TUB: variants seen among roughly 807,000 people sequenced by gnomAD.
The protein encoded by TUB is tubby protein homolog.
A neutral mutation model predicts 59.7 loss-of-function variants in TUB; 33 were observed. That is an observed-to-expected ratio of 0.55 (90% CI 0.42 to 0.74). The LOEUF (loss-of-function observed/expected upper bound fraction) is 0.74, where lower values mean the gene tolerates loss of function less well. Ranked by LOEUF, TUB falls within the 30% of genes least tolerant of loss-of-function variation. TUB has a pLI of 0.00. For missense variants in TUB, 659 were observed against 672.0 expected, an observed-to-expected ratio of 0.98 and a Z score of 0.21; for synonymous variants, 293 against 256.4, an observed-to-expected ratio of 1.14 and a Z score of -1.36.
At chr11:8,080,831 C>G (rs184534277), upstream of TUB, among the ~76,000 whole-genome samples, 8 of 152,218 alleles carry the variant, frequency 5.3e-5, no homozygotes, top group Non-Finnish European at 1.0e-4. Flanking sequence ...CCGGAGGTTC[C>G]CCCGCCTCTT....
intron 1 of TUB, among the ~76,000 whole-genome samples, chr11:8,081,758 G>A (rs1488479321): frequency 2.0e-5 from 3 of 152,216 alleles, no homozygotes; most frequent in African/African-American, 4.8e-5. Flanking sequence ...TATCTGCCAG[G>A]GTTGCTGGAA....
upstream of TUB, among the ~76,000 whole-genome samples, chr11:8,081,191 G>T (rs545511257): frequency 2.2e-3 from 332 of 151,580 alleles, 4 homozygotes; most frequent in African/African-American, 7.6e-3. Flanking sequence ...AGAAGGGGCA[G>T]GCCGCCGCTG....
At chr11:8,078,433 A>AT (rs1303043041), upstream of TUB, among the ~76,000 whole-genome samples, 2 of 152,156 alleles carry the variant, frequency 1.3e-5, no homozygotes, top group African/African-American at 4.8e-5. Context: ...GGTCATGGTT[A>AT]TAGTGCAGTT....
intron 1 of TUB, among the ~76,000 whole-genome samples, chr11:8,029,201 A>G (rs1214358838): frequency 6.6e-6 from 1 of 152,166 alleles, no homozygotes; most frequent in Admixed American, 6.5e-5. Context: ...CAAACAAAGC[A>G]TGCAGTTGCT....
At chr11:8,041,413 C>T (rs901759687) in intron 2 of TUB, among the ~76,000 whole-genome samples, 5 of 152,164 alleles carry the variant, frequency 3.3e-5, no homozygotes, top group African/African-American at 1.2e-4. Flanking sequence ...TGACTTATCT[C>T]CGTAGGTTTG....
At chr11:8,055,525 C>T (rs1943006602) in intron 2 of TUB, among the ~76,000 whole-genome samples, 1 of 152,202 alleles carries the variant, frequency 6.6e-6, no homozygotes, top group African/African-American at 2.4e-5. Flanking sequence ...CCTCCTTGCT[C>T]AGATGATGGG....
At position 8,071,284 on chromosome 11, in the gene TUB, C is replaced by T. The variant is rs557343482; in HGVS notation, c.204-18326C>T. ...TAGCCTGAGTGTTCTGTACACTGCT[C>T]TCCCAGGGAAGTGGGAGCGGGAGGT... On this transcript the variant is annotated intron_variant, in intron 2 of 12. Coordinates refer to the TUB transcript ENST00000305253. Among the ~76,000 whole-genome samples the T allele has an allele frequency of 2.6e-4, 40 of 152,228 alleles. 1 individual carries two copies. In the South Asian group the frequency reaches 8.3e-3, roughly 32 times the overall value.
Position 8,101,700 on chromosome 11 carries a change from T to A in TUB, c.*81T>A. On this transcript the variant is annotated 3_prime_UTR_variant, in exon 12 of 12. Coordinates refer to ENST00000299506, the MANE Select transcript of TUB (RefSeq NM_177972.3). Reference sequence around the variant, plus strand: ...CCTGTGGAGACAGCCCTGCCTATCCTCTGTATATAGGCCTTCCGCCAGATG... The same window carrying A: ...CCTGTGGAGACAGCCCTGCCTATCCACTGTATATAGGCCTTCCGCCAGATG... 6.4e-7 allele frequency: 1 copy of A among 1,557,702 alleles called. No homozygotes were observed. The highest frequency in any genetic ancestry group is 8.7e-7 in the Non-Finnish European group (1 of 1,152,878).
intron 9 of TUB, among the ~76,000 whole-genome samples, chr11:8,100,011 C>G (rs1564926094): frequency 6.6e-6 from 1 of 152,152 alleles, no homozygotes; most frequent in Non-Finnish European, 1.5e-5. Flanking sequence ...GGAGAAAGAT[C>G]ATCTGACTTA....
chr11:8,081,571 C>A, intron 1 of TUB, 23 bp downstream of exon 1: 2 of 1,524,052 alleles, frequency 1.3e-6, no homozygotes, highest in Non-Finnish European at 1.8e-6. Flanking sequence ...CGGGCCGGGG[C>A]GCCCACCACT....
At chr11:8,055,236 A>G (rs1261342994) in intron 2 of TUB, among the ~76,000 whole-genome samples, 1 of 152,006 alleles carries the variant, frequency 6.6e-6, no homozygotes, top group Non-Finnish European at 1.5e-5. Context: ...TGTGTGAGAG[A>G]GAGAGAGGTG....
chr11:8,083,113 G>A (rs913402422), intron 1 of TUB, among the ~76,000 whole-genome samples: 1 of 152,204 alleles, frequency 6.6e-6, no homozygotes, highest in Non-Finnish European at 1.5e-5. Context: ...GGCACATGTG[G>A]GCTGAGGACC....
upstream of TUB, among the ~76,000 whole-genome samples, chr11:8,079,317 G>A (rs909711821): frequency 1.3e-5 from 2 of 152,154 alleles, no homozygotes; most frequent in African/African-American, 4.8e-5. Flanking sequence ...CTCTAGGCAA[G>A]GTTCTGCCCT....
intron 2 of TUB, chr11:8,059,906 G>A (rs950899946): frequency 2.6e-5 from 4 of 152,664 alleles, no homozygotes; most frequent in South Asian, 2.1e-4. Flanking sequence ...GCCTCGATCC[G>A]GGCAGAGGCA....
intron 1 of TUB, among the ~76,000 whole-genome samples, chr11:8,024,890 G>T (rs1045110186): frequency 2.6e-5 from 4 of 152,224 alleles, no homozygotes; most frequent in Non-Finnish European, 5.9e-5. Flanking sequence ...GCAGAACTTG[G>T]ATTTTGGGGT....
intron 2 of TUB, among the ~76,000 whole-genome samples, chr11:8,069,562 T>C (rs1943319878): frequency 6.6e-6 from 1 of 152,206 alleles, no homozygotes; most frequent in African/African-American, 2.4e-5. Context: ...TCTAATGGGA[T>C]TGGTGCTCCT....
chr11:8,060,786 C>T (rs139226992), intron 2 of TUB, among the ~76,000 whole-genome samples: 92 of 152,308 alleles, frequency 6.0e-4, no homozygotes, highest in Non-Finnish European at 9.7e-4. Context: ...TACTGTTGTA[C>T]GTATTTGGGG....
chr11:8,044,829 A>C (rs929318455), intron 2 of TUB, among the ~76,000 whole-genome samples: 1 of 152,188 alleles, frequency 6.6e-6, no homozygotes, highest in African/African-American at 2.4e-5. Context: ...TCAGGAAAGC[A>C]CTTTATTTAC....
At chr11:8,038,550 C>T (rs1049601823), upstream of TUB, 1 of 1,053,060 alleles carries the variant, frequency 9.5e-7, no homozygotes, top group Non-Finnish European at 1.2e-6. Flanking sequence ...GCTATAGTAA[C>T]CCACAGATGC....
Sources: allele counts gnomAD v4.1 joint callset (sites outside exome capture counted in the v4.1 genomes callset), GRCh38; gene constraint gnomAD v4.1.1; transcripts MANE v1.5; gene names NCBI Gene and HGNC (gene_info 2026-07-23, HGNC 2026-07-21).